Variants in KCNK2 observed in about 807,000 individuals in gnomAD.
KCNK2 encodes potassium two pore domain channel subfamily K member 2, also known as potassium channel subfamily K member 2.
In KCNK2, 21 loss-of-function variants were observed where a neutral mutation model predicts 40.5. That is an observed-to-expected ratio of 0.52 (90% CI 0.37 to 0.75). The LOEUF is 0.75. KCNK2 is among the 30% of genes least tolerant of loss of function. The probability of loss-of-function intolerance (pLI) is 0.00; values close to 1 mark genes in which losing one functional copy is unlikely to be tolerated. For synonymous variants in KCNK2, 191 were observed against 202.2 expected (o/e 0.94, Z 0.47); for missense variants, 399 against 531.6 (o/e 0.75, Z 2.45).
chr1:215,040,948 A>C (rs1558066131), intron 1 of KCNK2, among the ~76,000 whole-genome samples: 1 of 152,262 alleles, frequency 6.6e-6, no homozygotes, highest in South Asian at 2.1e-4. Flanking sequence ...AGCCAAGCAA[A>C]GAAGGTCTGA....
At chr1:215,049,272 A>G (rs1405705769) in intron 1 of KCNK2, among the ~76,000 whole-genome samples, 8 of 152,130 alleles carry the variant, frequency 5.3e-5, no homozygotes, top group Non-Finnish European at 1.2e-4. Context: ...ACATATTTTC[A>G]TGTGCTTACT....
chr1:215,159,887 A>G (rs1571679601), intron 3 of KCNK2, among the ~76,000 whole-genome samples: 1 of 149,324 alleles, frequency 6.7e-6, no homozygotes, highest in Non-Finnish European at 1.5e-5. Context: ...TGATGCACTG[A>G]GCAGGATGTG....
Position 215,084,344 on chromosome 1 carries a change from A to G in KCNK2, c.46+913A>G, listed in dbSNP as rs1248434187. 2.0e-5 allele frequency among the ~76,000 whole-genome samples: 3 copies of G among 152,350 alleles called. No individual in the cohort carries two copies. In the East Asian group the frequency reaches 5.8e-4, roughly 29 times the overall value. On this transcript the variant is annotated intron_variant, in intron 1 of 6. Coordinates refer to ENST00000444842, the MANE Select transcript of KCNK2 (RefSeq NM_001017425.3). Reference sequence around the variant, plus strand: ...CAGTCTTAGTGCTTTCTGGTTCTGCAGAGTGTAAACCACTGATGTGAAAAA... The same window carrying G: ...CAGTCTTAGTGCTTTCTGGTTCTGCGGAGTGTAAACCACTGATGTGAAAAA...
chr1:215,199,626 T>G (rs561861085), intron 6 of KCNK2, among the ~76,000 whole-genome samples: 1 of 152,364 alleles, frequency 6.6e-6, no homozygotes, highest in South Asian at 2.1e-4. Context: ...GGTAGGCACA[T>G]GTTTAACAGA....
chr1:215,050,565 G>C (rs919940496), intron 1 of KCNK2, among the ~76,000 whole-genome samples: 1 of 152,032 alleles, frequency 6.6e-6, no homozygotes, highest in Admixed American at 6.6e-5. Context: ...TAAAAAGAGA[G>C]ACAGAACCAA....
intron 1 of KCNK2, among the ~76,000 whole-genome samples, chr1:215,024,859 A>C (rs549816768): frequency 4.6e-5 from 7 of 152,234 alleles, no homozygotes; most frequent in African/African-American, 1.4e-4. Context: ...TAACAAATTT[A>C]ATAGCCTGTG....
At chr1:215,105,661 T>A (rs1324410242) in intron 2 of KCNK2, among the ~76,000 whole-genome samples, 1 of 152,130 alleles carries the variant, frequency 6.6e-6, no homozygotes, top group Non-Finnish European at 1.5e-5. Context: ...TGTATGATGC[T>A]GAGGCTTGGG....
At chr1:215,050,161 T>A (rs1657932836) in intron 1 of KCNK2, among the ~76,000 whole-genome samples, 1 of 152,166 alleles carries the variant, frequency 6.6e-6, no homozygotes, top group Admixed American at 6.6e-5. Context: ...TCCTTTGATT[T>A]TTTTAATTAA....
chr1:215,137,783 A>T (rs903804638), intron 3 of KCNK2, among the ~76,000 whole-genome samples: 1 of 152,210 alleles, frequency 6.6e-6, no homozygotes, highest in African/African-American at 2.4e-5. Flanking sequence ...TAACCTAATT[A>T]CTATGCAAAT....
In KCNK2 at chr1:215,010,573, C is replaced by T. The variant is rs114237681; in HGVS notation, c.34+4618C>T. 8.9e-3 allele frequency among the ~76,000 whole-genome samples: 1,348 copies of T among 152,156 alleles called. 18 individuals carry two copies. Among genetic ancestry groups the T allele is most frequent in the African/African-American group, 0.031 (1,286 of 41,504 alleles). On this transcript the variant is annotated intron_variant, in intron 1 of 6. Coordinates refer to the KCNK2 transcript ENST00000391895. ...AAGTGCAGCAGAGCTAATAGAGGTG[C>T]GATTACAAGTCATTAAATACCATGA...
intron 2 of KCNK2, among the ~76,000 whole-genome samples, chr1:215,122,627 T>C (rs1394117101): frequency 6.6e-6 from 1 of 152,124 alleles, no homozygotes; most frequent in Non-Finnish European, 1.5e-5. Flanking sequence ...ATGTCATTAA[T>C]ATTAGAAATA....
At chr1:215,229,664 G>GA (rs541921992) in intron 6 of KCNK2, among the ~76,000 whole-genome samples, 1 of 147,850 alleles carries the variant, frequency 6.8e-6, no homozygotes, top group African/African-American at 2.5e-5. Context: ...TCAAAACAAA[G>GA]AAAAAAAAGT....
intron 1 of KCNK2, among the ~76,000 whole-genome samples, chr1:215,023,943 A>G (rs1046308788): frequency 6.6e-6 from 1 of 152,146 alleles, no homozygotes; most frequent in Non-Finnish European, 1.5e-5. Flanking sequence ...AAAAGAGGAG[A>G]AGGATGAAAT....
intron 1 of KCNK2, among the ~76,000 whole-genome samples, chr1:215,017,409 T>TA (rs957612022): frequency 1.3e-4 from 20 of 152,026 alleles, no homozygotes; most frequent in South Asian, 2.1e-4. Context: ...GTTTAGCTGT[T>TA]AAAAAAAGTA....
chr1:215,011,044 C>A (rs1031991152), intron 1 of KCNK2, among the ~76,000 whole-genome samples: 1 of 149,824 alleles, frequency 6.7e-6, no homozygotes, highest in Admixed American at 6.7e-5. Context: ...AAATTTACAT[C>A]AAGTAAAATT....
intron 5 of KCNK2, among the ~76,000 whole-genome samples, chr1:215,187,849 TAA>T (rs768043797): frequency 1.1e-4 from 11 of 97,296 alleles, no homozygotes; most frequent in Non-Finnish European, 1.0e-4. Flanking sequence ...CTCAAAAATT[TAA>T]AAAAAAAAAA....
intron 1 of KCNK2, among the ~76,000 whole-genome samples, chr1:215,084,022 A>T (rs1659308791): frequency 6.6e-6 from 1 of 152,214 alleles, no homozygotes; most frequent in Non-Finnish European, 1.5e-5. Context: ...TGTATTAAAG[A>T]TAAAAGTCTG....
In KCNK2 at chr1:215,207,043, C is replaced by T. The variant is rs535333697; in HGVS notation, c.963+11951C>T. Among the ~76,000 whole-genome samples the T allele has an allele frequency of 2.6e-5, 4 of 152,244 alleles. No individual in the cohort carries two copies. The South Asian group carries it at 8.3e-4, about 32-fold the overall frequency. On this transcript the variant is annotated intron_variant, in intron 6 of 6. Coordinates refer to ENST00000444842, the MANE Select transcript of KCNK2 (RefSeq NM_001017425.3). ...AAATTCATTCTATTGGATATCCCCT[C>T]CCCTGTGGTATAGAGGCCACATTAG... is the stretch of plus-strand genomic sequence containing the variant.
chr1:215,021,715 C>CT (rs1048890856), intron 1 of KCNK2, among the ~76,000 whole-genome samples: 6 of 151,710 alleles, frequency 4.0e-5, no homozygotes, highest in Non-Finnish European at 4.4e-5. Flanking sequence ...CTGGCTAATT[C>CT]TTTTTTGTAT....
Sources: allele counts gnomAD v4.1 joint callset (sites outside exome capture counted in the v4.1 genomes callset), GRCh38; gene constraint gnomAD v4.1.1; transcripts MANE v1.5; gene names NCBI Gene and HGNC (gene_info 2026-07-23, HGNC 2026-07-21).